The following OR2T1 variants were observed in gnomAD, a reference collection of about 807,000 sequenced individuals.
OR2T1 encodes the protein olfactory receptor family 2 subfamily T member 1, also known as olfactory receptor 2T1.
For synonymous variants in OR2T1, 186 were observed against 145.4 expected, an observed-to-expected ratio of 1.28 and a Z score of -2.01; for missense variants, 440 against 390.2, an observed-to-expected ratio of 1.13 and a Z score of -1.07.
intron 1 of OR2T1, among the ~76,000 whole-genome samples, chr1:248,403,712 T>G (rs894459622): frequency 6.6e-5 from 10 of 152,270 alleles, no homozygotes; most frequent in Admixed American, 1.3e-4. Flanking sequence ...ACAAGTATAG[T>G]TACTTATTGT....
Position 248,407,072 on chromosome 1 carries a change from G to A in OR2T1, c.925G>A (p.Gly309Ser). Residue 309 changes from glycine (G) to serine (S), a missense_variant, in exon 2 of 2, where the codon GGT becomes AGT. By Grantham distance (56) the Gly-to-Ser change is moderately conservative. Coordinates refer to ENST00000642005, the MANE Select transcript of OR2T1 (RefSeq NM_030904.2). ...ALKRALGRFK[G>S]PQRVSGGVF The stretch of plus-strand genomic sequence containing the variant: ...GAAGAGGGCCTTGGGGAGGTTCAAG[G>A]GTCCTCAAAGGGTGTCAGGAGGTGT... 6.2e-7 allele frequency: 1 copy of A among 1,607,686 alleles called. No individual in the cohort carries two copies. Among genetic ancestry groups the A allele is most frequent in the Non-Finnish European group, 8.5e-7 (1 of 1,177,012 alleles).
intron 1 of OR2T1, among the ~76,000 whole-genome samples, chr1:248,404,277 A>T (rs1661506985): frequency 0.02 from 4 of 196 alleles, no homozygotes; most frequent in Admixed American, 0.13. Context: ...GCAGCACATG[A>T]TTTTCCCTCT....
chr1:248,405,876 A>AT, intron 1 of OR2T1: 1 of 819,436 alleles, frequency 1.2e-6, no homozygotes, highest in Non-Finnish European at 1.9e-6. Flanking sequence ...ACATCATCGT[A>AT]ATACAGTATC....
At chr1:248,404,778 T>C (rs571128332) in intron 1 of OR2T1, among the ~76,000 whole-genome samples, 9 of 152,200 alleles carry the variant, frequency 5.9e-5, no homozygotes, top group Non-Finnish European at 1.2e-4. Context: ...ACAGTAAATG[T>C]CTAGCTGCTA....
In OR2T1 at chr1:248,407,022, G is replaced by C. The variant is rs368437432; in HGVS notation, c.875G>C (p.Arg292Thr). 2 of 1,613,928 alleles carry C rather than the reference G, an allele frequency of 1.2e-6. No individual in the cohort carries two copies. The highest frequency in any genetic ancestry group is 1.7e-6 in the Non-Finnish European group (2 of 1,179,966). ...CTGAACCCCCTCATCTACAGCCTTA[G>C]AAACAAGGATGTGACTGGAGCTCTG... ...PMLNPLIYSL[R>T]NKDVTGALKR... The change falls in exon 2 of 2, where the codon AGA becomes ACA. Residue 292 changes from arginine to threonine, a missense_variant. Coordinates refer to ENST00000642005, the MANE Select transcript of OR2T1 (RefSeq NM_030904.2).
rs776679623 is a variant in OR2T1, at chr1:248,406,132, C to T, written c.-16C>T. On this transcript the variant is annotated 5_prime_UTR_variant, in exon 2 of 2. Coordinates refer to ENST00000642005, the MANE Select transcript of OR2T1 (RefSeq NM_030904.2). ...TTTGGAAGATATTACCTTATATCGG[C>T]ACAACTGTAGGATCAATGGAAGAGT... 3.1e-6 allele frequency: 5 copies of T among 1,613,976 alleles called. No homozygotes were observed. The highest frequency in any genetic ancestry group is 1.7e-5 in the Admixed American group (1 of 59,980).
intron 1 of OR2T1, 70 bp from the exon 2 acceptor site, chr1:248,406,045 T>C (rs1165673165): frequency 1.2e-6 from 2 of 1,613,190 alleles, no homozygotes; most frequent in Admixed American, 3.3e-5. Context: ...TTTTAAAAGT[T>C]TGCTGCCTAA....
chr1:248,406,924 G>A lies in OR2T1; in HGVS notation c.777G>A (p.Met259Ile). 1.2e-6 allele frequency: 2 copies of A among 1,614,088 alleles called. No individual in the cohort carries two copies. The highest frequency in any genetic ancestry group is 1.7e-4 in the Middle Eastern group (1 of 6,060). The change falls in exon 2 of 2, where the codon ATG (methionine) becomes ATA (isoleucine). Residue 259 changes from methionine to isoleucine, a missense_variant. Physicochemically the swap from Met to Ile is conservative, Grantham distance 10. Transcript: ENST00000642005. ...LFYGAAMYTYMLPHSYHKPAQ... is the reference protein window; with the variant it reads ...LFYGAAMYTYILPHSYHKPAQ... ...ACGGGGCTGCCATGTACACCTACAT[G>A]CTGCCACATTCTTACCACAAGCCAG... is the stretch of plus-strand genomic sequence containing the variant.
chr1:248,406,285 C>T lies in OR2T1; in HGVS notation c.138C>T (p.Phe46=), dbSNP rs1268817203. 6.2e-7 allele frequency: 1 copy of T among 1,614,138 alleles called. No homozygotes were observed. Among genetic ancestry groups the T allele is most frequent in the Non-Finnish European group, 8.5e-7 (1 of 1,180,022 alleles). Residue 46 remains phenylalanine, a synonymous_variant, in exon 2 of 2, where the codon TTC becomes TTT. Coordinates refer to ENST00000642005, the MANE Select transcript of OR2T1 (RefSeq NM_030904.2). The stretch of plus-strand genomic sequence containing the variant: ...TGATGGCCAATGGGGTTATGATCTT[C>T]CTGATCCAAACAGATTTGCGCCTTC... ...TALMANGVMI[F]LIQTDLRLHT...
At position 248,407,922 on chromosome 1, in the gene OR2T1, C is replaced by A. The variant is rs531826959; in HGVS notation, c.*818C>A. ...AAACTAACTGAACCCAAGGAAGGGC[C>A]GTGGGATCCCCAATTTACAATCACT... On this transcript the variant is annotated 3_prime_UTR_variant, in exon 2 of 2. Coordinates refer to ENST00000642005, the MANE Select transcript of OR2T1 (RefSeq NM_030904.2). The A allele has an allele frequency of 1.3e-5, 2 of 152,332 alleles. No homozygotes were observed. The highest frequency in any genetic ancestry group is 6.8e-3 in the Middle Eastern group (2 of 294). The allele number at this position is 152,332 out of a possible 1,614,324, so 9.4% of individuals were successfully genotyped here.
At position 248,406,904 on chromosome 1, in the gene OR2T1, G is replaced by T. The variant is rs200655339; in HGVS notation, c.757G>T (p.Ala253Ser). The change falls in exon 2 of 2, where the codon GCT becomes TCT. Residue 253 changes from alanine (A) to serine (S), a missense_variant. Ala to Ser is a moderately conservative substitution (Grantham distance 99). Coordinates refer to ENST00000642005, the MANE Select transcript of OR2T1 (RefSeq NM_030904.2). ...GACTGTGGTGTCCTTGTTCTACGGG[G>T]CTGCCATGTACACCTACATGCTGCC... ...HMTVVSLFYG[A>S]AMYTYMLPHS... 1.2e-6 allele frequency: 2 copies of T among 1,614,030 alleles called. No individual in the cohort carries two copies. The highest frequency in any genetic ancestry group is 1.7e-5 in the Admixed American group (1 of 60,016).
Position 248,407,460 on chromosome 1 carries a change from G to T in OR2T1, c.*356G>T, listed in dbSNP as rs1661587200. On this transcript the variant is annotated 3_prime_UTR_variant, in exon 2 of 2. Coordinates refer to ENST00000642005, the MANE Select transcript of OR2T1 (RefSeq NM_030904.2). The stretch of plus-strand genomic sequence containing the variant: ...TCATAAGACCTCTGTTTCAAAAGAG[G>T]TCTTCTCTCATACCCTGGGGGAGGG... 4.3e-6 allele frequency: 1 copy of T among 232,864 alleles called. No homozygotes were observed. Among genetic ancestry groups the T allele is most frequent in the East Asian group, 9.3e-5 (1 of 10,782 alleles). The allele number at this position is 232,864 out of a possible 1,614,324, so 14.4% of individuals were successfully genotyped here.
chr1:248,404,249 A>ATGAACAGACAGCAGAGGCCG (rs1416219656), intron 1 of OR2T1, among the ~76,000 whole-genome samples: 1 of 2,696 alleles, frequency 3.7e-4, no homozygotes, highest in African/African-American at 9.8e-4. Flanking sequence ...AGCAGAGACC[A>ATGAACAGACAGCAGAGGCCG]CTGTTTGACT....
intron 1 of OR2T1, among the ~76,000 whole-genome samples, chr1:248,405,498 G>T (rs543532905): frequency 5.7e-4 from 87 of 152,204 alleles, no homozygotes; most frequent in Non-Finnish European, 8.5e-4. Flanking sequence ...CTCTTGTATT[G>T]AGAATAATTT....
Position 248,406,523 on chromosome 1 carries a change from T to G in OR2T1, c.376T>G (p.Cys126Gly). Reference sequence around the variant, plus strand: ...GGCCTATGACCGCTATGTGGCCATTTGCAACCCTCTGAGATACCCTGTCCT... The same window carrying G: ...GGCCTATGACCGCTATGTGGCCATTGGCAACCCTCTGAGATACCCTGTCCT... ...LMAYDRYVAICNPLRYPVLMS... is the reference protein window; with the variant it reads ...LMAYDRYVAIGNPLRYPVLMS... Residue 126 changes from cysteine to glycine, a missense_variant, in exon 2 of 2, where the codon TGC becomes GGC. By Grantham distance (159) the Cys-to-Gly change is radical. Coordinates refer to ENST00000642005, the MANE Select transcript of OR2T1 (RefSeq NM_030904.2). 6.2e-7 allele frequency: 1 copy of G among 1,614,188 alleles called. No individual in the cohort carries two copies. The highest frequency in any genetic ancestry group is 1.3e-5 in the African/African-American group (1 of 75,050).
rs548800742 is a variant in OR2T1 at position 248,406,303 on chromosome 1, G to A, written c.156G>A (p.Leu52=). 2 of 1,614,074 alleles carry A rather than the reference G, an allele frequency of 1.2e-6. No individual in the cohort carries two copies. Among genetic ancestry groups the A allele is most frequent in the Non-Finnish European group, 1.7e-6 (2 of 1,180,006 alleles). ...GVMIFLIQTD[L]RLHTPMYFLL... ...TGATCTTCCTGATCCAAACAGATTT[G>A]CGCCTTCATACACCCATGTACTTCC... Residue 52 remains leucine (L), a synonymous_variant, in exon 2 of 2, where the codon TTG becomes TTA. Coordinates refer to ENST00000642005, the MANE Select transcript of OR2T1 (RefSeq NM_030904.2).
At position 248,406,602 on chromosome 1, in the gene OR2T1, C is replaced by G. The variant is rs151338317; in HGVS notation, c.455C>G (p.Ser152Cys). The change falls in exon 2 of 2, where the codon TCT becomes TGT. Residue 152 changes from serine (S) to cysteine (C), a missense_variant. Coordinates refer to ENST00000642005, the MANE Select transcript of OR2T1 (RefSeq NM_030904.2). Reference sequence around the variant, plus strand: ...ATAGCAGGTTCCTGGTTTGGGGGCTCTTTGGATGGCTTCCTCCTAACCCCC... The same window carrying G: ...ATAGCAGGTTCCTGGTTTGGGGGCTGTTTGGATGGCTTCCTCCTAACCCCC... The part of the protein sequence containing the change: ...MIIAGSWFGG[S>C]LDGFLLTPIT... The G allele has an allele frequency of 1.2e-3, 1,896 of 1,614,142 alleles. 4 individuals are homozygous for G. Among genetic ancestry groups the G allele is most frequent in the Non-Finnish European group, 1.5e-3 (1,750 of 1,179,998 alleles).
chr1:248,404,453 T>A (rs1005417815), intron 1 of OR2T1, among the ~76,000 whole-genome samples: 1 of 151,248 alleles, frequency 6.6e-6, no homozygotes, highest in Admixed American at 6.6e-5. Flanking sequence ...AAAAGTAAAA[T>A]GAGGGAGGTT....
chr1:248,407,692 C>T lies in OR2T1; in HGVS notation c.*588C>T, dbSNP rs1174520766. The T allele has an allele frequency of 1.3e-5, 2 of 152,340 alleles. No homozygotes were observed. The highest frequency in any genetic ancestry group is 2.9e-5 in the Non-Finnish European group (2 of 68,162). 9.4% of individuals were successfully genotyped at this position (152,340 alleles called of 1,614,324 possible). A position where few individuals can be genotyped will look rare whatever the true frequency, so the allele number is the denominator to read the frequency against. Reference sequence around the variant, plus strand: ...CTTCTGGACAGCTAAACTCATGAAGCTGAACAGGAGGGTGATAAGAACCCA... The same window carrying T: ...CTTCTGGACAGCTAAACTCATGAAGTTGAACAGGAGGGTGATAAGAACCCA... On this transcript the variant is annotated 3_prime_UTR_variant, in exon 2 of 2. Transcript: ENST00000642005.
Sources: gnomAD v4.1 joint callset for allele counts (sites outside exome capture counted in the v4.1 genomes callset) on GRCh38, gnomAD v4.1.1 for gene constraint, MANE v1.5 for transcripts, NCBI Gene and HGNC (gene_info 2026-07-23, HGNC 2026-07-21) for gene names.